MYDGF: variants seen among roughly 807,000 people sequenced by gnomAD.
The protein encoded by MYDGF is myeloid derived growth factor, also known as myeloid-derived growth factor.
In MYDGF, 29 loss-of-function variants were observed where a neutral mutation model predicts 24.2. The observed-to-expected ratio is 1.20, with a 90% CI of 0.89 to 1.63. The LOEUF (loss-of-function observed/expected upper bound fraction) is 1.63, where lower values mean the gene tolerates loss of function less well. Among genes scored for constraint, MYDGF ranks in the 40% most tolerant of loss-of-function variants. MYDGF has a pLI of 0.00. For synonymous variants in MYDGF, 105 were observed against 102.5 expected (o/e 1.02, Z -0.15); for missense variants, 245 against 234.8 (o/e 1.04, Z -0.29).
Position 4,657,657 on chromosome 19 carries a change from T to C in MYDGF, c.*348A>G, listed in dbSNP as rs956877674. ...ATAGGAAAGCAGTTCTGCAGGCTCA[T>C]GAAGGATGCTCGGCTGGAGGTCGGG... On this transcript the variant is annotated 3_prime_UTR_variant, in exon 6 of 6. Transcript: ENST00000262947. The C allele has an allele frequency of 8.0e-5, 16 of 200,230 alleles. No homozygotes were observed. Among genetic ancestry groups the C allele is most frequent in the African/African-American group, 3.2e-4 (14 of 43,348 alleles). The allele number at this position is 200,230 out of a possible 1,614,324, so 12.4% of individuals were successfully genotyped here. A position where few individuals can be genotyped will look rare whatever the true frequency, so the allele number is the denominator to read the frequency against.
chr19:4,662,019 G>T (rs142380463), intron 3 of MYDGF, among the ~76,000 whole-genome samples: 1 of 152,274 alleles, frequency 6.6e-6, no homozygotes, highest in Non-Finnish European at 1.5e-5. Flanking sequence ...CCTCTGCAGG[G>T]TCTCTCTGGG....
chr19:4,664,731 C>A (rs1475644656), intron 3 of MYDGF, 145 bp downstream of exon 3: 3 of 868,048 alleles, frequency 3.5e-6, no homozygotes, highest in East Asian at 2.7e-5. Flanking sequence ...CCTGCCACCC[C>A]CCACCTGCAC....
intron 3 of MYDGF, among the ~76,000 whole-genome samples, chr19:4,663,444 A>G (rs1276317853): frequency 1.1e-4 from 10 of 91,338 alleles, no homozygotes; most frequent in East Asian, 7.2e-4. Context: ...TCCTCATTCT[A>G]CACAGCCTCC....
chr19:4,668,779 T>C (rs2088540139), intron 1 of MYDGF, 134 bp from the exon 2 acceptor site: 13 of 684,756 alleles, frequency 1.9e-5, no homozygotes, highest in Non-Finnish European at 3.4e-5. Flanking sequence ...ACTCCCAGGT[T>C]TGAGTAATCC....
intron 1 of MYDGF, 57 bp from the exon 2 acceptor site, chr19:4,668,702 G>C (rs753405533): frequency 4.8e-5 from 71 of 1,490,470 alleles, no homozygotes; most frequent in Non-Finnish European, 6.2e-5. Flanking sequence ...TTTTGTTTAA[G>C]AGACGGGGTC....
intron 5 of MYDGF, chr19:4,659,724 T>G (rs1301596975): frequency 1.7e-6 from 1 of 596,482 alleles, no homozygotes; most frequent in East Asian, 2.7e-5. Flanking sequence ...GCAGCAGCTT[T>G]GTGCCACAAT....
chr19:4,662,984 CCT>C (rs1435731641), intron 3 of MYDGF, among the ~76,000 whole-genome samples: 3 of 151,578 alleles, frequency 2.0e-5, no homozygotes, highest in African/African-American at 7.3e-5. Flanking sequence ...TCCCCTCCTC[CCT>C]GTCCTCATTT....
At chr19:4,659,532 A>T (rs564216620) in intron 5 of MYDGF, among the ~76,000 whole-genome samples, 4 of 151,262 alleles carry the variant, frequency 2.6e-5, no homozygotes, top group Admixed American at 6.6e-5. Context: ...CCTGATTTTT[A>T]AAAAAATTTT....
Position 4,664,863 on chromosome 19 carries a change from C to A in MYDGF, c.287+13G>T. ...ACGGCAGCCGGAAATGCCATCCCCA[C>A]CCCGAGTCTCACCTCCAGATGGTGC... On this transcript the variant is annotated intron_variant, in intron 3 of 5. Transcript: ENST00000262947. 6.2e-7 allele frequency: 1 copy of A among 1,611,872 alleles called. No individual in the cohort carries two copies. The highest frequency in any genetic ancestry group is 8.5e-7 in the Non-Finnish European group (1 of 1,179,176).
rs558810410 is a variant in MYDGF, at chr19:4,661,583, G to A, written c.288-833C>T. On this transcript the variant is annotated intron_variant, in intron 3 of 5. Coordinates refer to ENST00000262947, the MANE Select transcript of MYDGF (RefSeq NM_019107.4). The stretch of plus-strand genomic sequence containing the variant: ...AGAAGGTGTCGGAAGGTGACAGCAG[G>A]GGATGATGGCATCTCTGGTGTGAAG... Among the ~76,000 whole-genome samples the A allele has an allele frequency of 1.7e-4, 26 of 152,272 alleles. No homozygotes were observed. The South Asian group carries it at 5.0e-3, about 29-fold the overall frequency.
At chr19:4,660,335 C>T (rs1210544373) in intron 4 of MYDGF, among the ~76,000 whole-genome samples, 2 of 152,050 alleles carry the variant, frequency 1.3e-5, no homozygotes, top group East Asian at 3.9e-4. Flanking sequence ...GCTATGTTGC[C>T]TAGGCTGGAA....
intron 5 of MYDGF, among the ~76,000 whole-genome samples, chr19:4,659,141 T>C (rs2088448778): frequency 6.6e-6 from 1 of 152,016 alleles, no homozygotes; most frequent in African/African-American, 2.4e-5. Context: ...AGTGGTGCGA[T>C]CATAGCTCAA....
At chr19:4,661,361 A>G (rs2088469798) in intron 3 of MYDGF, among the ~76,000 whole-genome samples, 1 of 152,016 alleles carries the variant, frequency 6.6e-6, no homozygotes, top group Non-Finnish European at 1.5e-5. Flanking sequence ...ATGTCCATTC[A>G]CTGCACATGG....
At chr19:4,667,511 AT>A (rs1272516170) in intron 2 of MYDGF, among the ~76,000 whole-genome samples, 1 of 152,074 alleles carries the variant, frequency 6.6e-6, no homozygotes, top group Non-Finnish European at 1.5e-5. Context: ...ACTTCAGGTG[AT>A]TCGCCAGCCT....
In MYDGF at chr19:4,659,970, G is replaced by A; in HGVS notation, c.403C>T (p.Pro135Ser). 2.5e-6 allele frequency: 4 copies of A among 1,614,008 alleles called. No individual in the cohort carries two copies. The South Asian group carries it at 3.3e-5, about 13-fold the overall frequency. ...KAAFERESDVPLKTEEFEVTK... is the reference protein window; with the variant it reads ...KAAFERESDVSLKTEEFEVTK... ...ACTTCAAATTCCTCAGTTTTCAGAG[G>A]GACATCACTTTCCCTTTCAAATGCG... The change falls in exon 5 of 6, where the codon CCT becomes TCT. Residue 135 changes from proline (P) to serine (S), a missense_variant. Transcript: ENST00000262947.
chr19:4,663,065 C>CCCAT, intron 3 of MYDGF, among the ~76,000 whole-genome samples: 1 of 151,292 alleles, frequency 6.6e-6, no homozygotes, highest in African/African-American at 2.4e-5. Flanking sequence ...ATCTACTCTC[C>CCCAT]CCACCCCACT....
chr19:4,668,776 G>A (rs2088540101), intron 1 of MYDGF, 131 bp from the exon 2 acceptor site: 2 of 688,808 alleles, frequency 2.9e-6, no homozygotes, highest in East Asian at 2.9e-5. Context: ...CGAACTCCCA[G>A]GTTTGAGTAA....
intron 2 of MYDGF, among the ~76,000 whole-genome samples, chr19:4,666,041 G>A (rs1345239831): frequency 6.6e-6 from 1 of 151,460 alleles, no homozygotes; most frequent in African/African-American, 2.4e-5. Flanking sequence ...ATGCAGGCTG[G>A]GCATGGTGGC....
chr19:4,669,490 C>T (rs1055022530), intron 1 of MYDGF, among the ~76,000 whole-genome samples: 6 of 152,110 alleles, frequency 3.9e-5, no homozygotes, highest in Non-Finnish European at 7.4e-5. Context: ...TGGTGGCACA[C>T]GTCTGTAATC....
Sources: gnomAD v4.1 joint callset for allele counts (sites outside exome capture counted in the v4.1 genomes callset) on GRCh38, gnomAD v4.1.1 for gene constraint, MANE v1.5 for transcripts, NCBI Gene and HGNC (gene_info 2026-07-23, HGNC 2026-07-21) for gene names.